Variants in CSGALNACT1 observed in about 807,000 individuals in gnomAD.
CSGALNACT1 encodes beta4GalNAcT-1.
A neutral mutation model predicts 51.0 loss-of-function variants in CSGALNACT1; 52 were observed. The ratio of observed to expected loss-of-function variants is 1.02; its 90% confidence interval spans 0.82 to 1.29. The LOEUF (loss-of-function observed/expected upper bound fraction) is 1.29, where lower values mean the gene tolerates loss of function less well. CSGALNACT1 is among the 50% of genes most tolerant of loss of function. The pLI is 0.00. For synonymous variants in CSGALNACT1, 341 were observed against 254.4 expected (o/e 1.34, Z -3.24); for missense variants, 935 against 679.2 (o/e 1.38, Z -4.19).
chr8:19,570,493 A>G (rs1031510091), intron 3 of CSGALNACT1, among the ~76,000 whole-genome samples: 46 of 152,154 alleles, frequency 3.0e-4, no homozygotes, highest in African/African-American at 1.1e-3. Context: ...ACACAAACAG[A>G]GAGCAAGAGG....
At chr8:19,696,000 C>G (rs2061562621) in intron 1 of CSGALNACT1, among the ~76,000 whole-genome samples, 1 of 152,152 alleles carries the variant, frequency 6.6e-6, no homozygotes, top group Admixed American at 6.5e-5. Flanking sequence ...CAGGAAAACA[C>G]TCTGAATATA....
rs146277045 is a variant in CSGALNACT1 at position 19,420,988 on chromosome 8, C to G, written c.954-470G>C. ...CAGGCAAAATGTTCTTGATGTGAAT[C>G]TTTCCTCCAAACAGATTTAAACCCA... On this transcript the variant is annotated intron_variant, in intron 6 of 9. Transcript: ENST00000454498. Among the ~76,000 whole-genome samples the G allele has an allele frequency of 3.6e-3, 555 of 152,316 alleles. 2 individuals are homozygous for G. The highest frequency in any genetic ancestry group is 5.8e-3 in the Non-Finnish European group (397 of 68,030).
chr8:19,463,739 T>A (rs974431587), intron 4 of CSGALNACT1, among the ~76,000 whole-genome samples: 1 of 152,224 alleles, frequency 6.6e-6, no homozygotes, highest in Admixed American at 6.5e-5. Context: ...CACCTCCGTG[T>A]CTTTCCTCCC....
chr8:19,698,623 C>T (rs1453390725), intron 1 of CSGALNACT1, among the ~76,000 whole-genome samples: 4 of 152,102 alleles, frequency 2.6e-5, no homozygotes, highest in African/African-American at 7.2e-5. Context: ...TACCTATGTA[C>T]CTCACACTTA....
At chr8:19,636,987 C>T (rs937198348) in intron 1 of CSGALNACT1, among the ~76,000 whole-genome samples, 2 of 151,560 alleles carry the variant, frequency 1.3e-5, no homozygotes, top group South Asian at 2.1e-4. Flanking sequence ...GTCAGGAATT[C>T]GAGATCAGCC....
chr8:19,476,240 T>G (rs2069595197), intron 4 of CSGALNACT1, among the ~76,000 whole-genome samples: 1 of 152,124 alleles, frequency 6.6e-6, no homozygotes, highest in South Asian at 2.1e-4. Flanking sequence ...CAGTTTTTTG[T>G]TTGTTTTTGG....
chr8:19,718,603 G>A (rs1222779650), intron 1 of CSGALNACT1, among the ~76,000 whole-genome samples: 1 of 152,030 alleles, frequency 6.6e-6, no homozygotes, highest in East Asian at 1.9e-4. Flanking sequence ...TATATGCAAT[G>A]CTTTCCCATC....
At chr8:19,722,994 G>C (rs1486406547) in intron 1 of CSGALNACT1, among the ~76,000 whole-genome samples, 1 of 152,164 alleles carries the variant, frequency 6.6e-6, no homozygotes, top group Non-Finnish European at 1.5e-5. Context: ...CTTTATTCTA[G>C]GGACAAAGAT....
Position 19,440,476 on chromosome 8 carries a change from A to G in CSGALNACT1, c.852-545T>C, listed in dbSNP as rs569928884. ...AACCAAAGACAAAAACCACATGATT[A>G]TCTCAATAGATGCAGAAAAGGCCTT... On this transcript the variant is annotated intron_variant, in intron 5 of 9. Coordinates refer to ENST00000454498, the Ensembl canonical transcript of CSGALNACT1. Among the ~76,000 whole-genome samples, 747 of 152,030 alleles carry G rather than the reference A, an allele frequency of 4.9e-3. 8 individuals are homozygous for G. Among genetic ancestry groups the G allele is most frequent in the Non-Finnish European group, 8.6e-3 (584 of 67,918 alleles).
chr8:19,635,300 T>C (rs1388501540), intron 1 of CSGALNACT1, among the ~76,000 whole-genome samples: 3 of 152,190 alleles, frequency 2.0e-5, no homozygotes, highest in Non-Finnish European at 4.4e-5. Context: ...AGGGATGTGT[T>C]TGAGCTGCTT....
intron 1 of CSGALNACT1, among the ~76,000 whole-genome samples, chr8:19,698,015 A>G (rs766076172): frequency 1.3e-5 from 2 of 152,316 alleles, no homozygotes; most frequent in African/African-American, 4.8e-5. Context: ...GGATTTGTCA[A>G]TTAGAAAGTC....
At chr8:19,639,671 C>A (rs1185794412) in intron 1 of CSGALNACT1, among the ~76,000 whole-genome samples, 1 of 152,112 alleles carries the variant, frequency 6.6e-6, no homozygotes, top group African/African-American at 2.4e-5. Flanking sequence ...TTTGACAAAG[C>A]TTCCCTCTCT....
At chr8:19,461,970 G>C (rs1227772975) in intron 4 of CSGALNACT1, among the ~76,000 whole-genome samples, 1 of 151,992 alleles carries the variant, frequency 6.6e-6, no homozygotes, top group Non-Finnish European at 1.5e-5. Flanking sequence ...ATTCACCATG[G>C]ACAGGATAGC....
chr8:19,484,094 G>A (rs1378401116), intron 4 of CSGALNACT1, among the ~76,000 whole-genome samples: 1 of 152,196 alleles, frequency 6.6e-6, no homozygotes, highest in Non-Finnish European at 1.5e-5. Context: ...CTTAGGAGCT[G>A]TCACAGTGAT....
At chr8:19,503,332 A>G (rs1412034675) in intron 4 of CSGALNACT1, among the ~76,000 whole-genome samples, 2 of 152,226 alleles carry the variant, frequency 1.3e-5, no homozygotes, top group Non-Finnish European at 2.9e-5. Flanking sequence ...GCCAAGCCTC[A>G]GAGCAAATAT....
At chr8:19,608,140 G>C (rs2051660415) in intron 1 of CSGALNACT1, among the ~76,000 whole-genome samples, 1 of 152,200 alleles carries the variant, frequency 6.6e-6, no homozygotes, top group Non-Finnish European at 1.5e-5. Context: ...AGCTGGCTGA[G>C]TTAGGCAGGC....
upstream of CSGALNACT1, among the ~76,000 whole-genome samples, chr8:19,605,126 G>A (rs1235585287): frequency 6.6e-6 from 1 of 152,094 alleles, no homozygotes; most frequent in Non-Finnish European, 1.5e-5. Context: ...ATAAGTATTT[G>A]CCAAAAGCAA....
At chr8:19,729,969 G>A (rs955447513) in intron 1 of CSGALNACT1, among the ~76,000 whole-genome samples, 6 of 152,304 alleles carry the variant, frequency 3.9e-5, no homozygotes, top group African/African-American at 1.2e-4. Flanking sequence ...CTCACCAGCA[G>A]AAGTAGGGTG....
chr8:19,506,494 A>G (rs1399229313), intron 3 of CSGALNACT1, among the ~76,000 whole-genome samples: 4 of 152,188 alleles, frequency 2.6e-5, no homozygotes, highest in Admixed American at 2.0e-4. Context: ...TGTTAATGAC[A>G]CTGGAGTTGC....
Sources: allele counts gnomAD v4.1 joint callset (sites outside exome capture counted in the v4.1 genomes callset), GRCh38; gene constraint gnomAD v4.1.1; transcripts MANE v1.5; gene names NCBI Gene and HGNC (gene_info 2026-07-23, HGNC 2026-07-21).